The following PIWIL1 variants were observed in gnomAD, a reference collection of about 807,000 sequenced individuals.
The protein encoded by PIWIL1 is piwi-like protein 1.
In PIWIL1, 73 loss-of-function variants were observed where a neutral mutation model predicts 114.4. The observed-to-expected ratio is 0.64, with a 90% confidence interval of 0.53 to 0.78. The LOEUF (loss-of-function observed/expected upper bound fraction) is 0.78. Among genes scored for constraint, PIWIL1 ranks in the 30% least tolerant of loss-of-function variants. PIWIL1 has a pLI of 0.00. For missense variants in PIWIL1, 723 were observed against 1,063.1 expected (o/e 0.68, Z 4.45); for synonymous variants, 375 against 369.0 (o/e 1.02, Z -0.19).
At chr12:130,411,533 C>T in the PIWIL1 span, among the ~76,000 whole-genome samples, 1 of 143,420 alleles carries the variant, frequency 7.0e-6, no homozygotes, top group African/African-American at 2.5e-5. Context: ...CCTTGGCCAT[C>T]GACATTTAGA....
At chr12:130,422,980 G>C in the PIWIL1 span, among the ~76,000 whole-genome samples, 1 of 152,128 alleles carries the variant, frequency 6.6e-6, no homozygotes, top group African/African-American at 2.4e-5. This position sits in a 1 kb window ranked among gnomAD's most constrained non-coding sequence, Gnocchi z 5.2. Context: ...AGTTCCTCCT[G>C]TCCTGCTTGG....
intron 9 of PIWIL1, among the ~76,000 whole-genome samples, chr12:130,353,786 C>CA (rs200456081): frequency 0.014 from 2,104 of 151,860 alleles, 42 homozygotes; most frequent in African/African-American, 0.048. Context: ...ATTAGCCAGG[C>CA]ACGGTGGTGT....
the PIWIL1 span, among the ~76,000 whole-genome samples, chr12:130,410,923 C>T: frequency 5.0e-3 from 754 of 152,310 alleles, 8 homozygotes; most frequent in African/African-American, 0.017. Flanking sequence ...AATGGTCTTG[C>T]ACTGCATCTG....
the PIWIL1 span, among the ~76,000 whole-genome samples, chr12:130,409,545 C>T: frequency 2.0e-5 from 3 of 152,022 alleles, no homozygotes; most frequent in South Asian, 2.1e-4. Flanking sequence ...GGGGTTTCAC[C>T]GTGTTAGCCA....
chr12:130,346,934 G>A lies in PIWIL1; in HGVS notation c.532-7G>A. 6.2e-7 allele frequency: 1 copy of A among 1,610,450 alleles called. No individual in the cohort carries two copies. The highest frequency in any genetic ancestry group is 2.2e-5 in the East Asian group (1 of 44,834). On this transcript the variant is annotated splice_region_variant and splice_polypyrimidine_tract_variant and intron_variant, in intron 5 of 20. Coordinates refer to ENST00000245255, the MANE Select transcript of PIWIL1 (RefSeq NM_004764.5). Reference sequence around the variant, plus strand: ...AAAGTTTGGGTTTTCCACCTCTCTGGCTTCAGGTTACTGAAGTTTTTAGTA... The same window carrying A: ...AAAGTTTGGGTTTTCCACCTCTCTGACTTCAGGTTACTGAAGTTTTTAGTA...
At chr12:130,424,928 G>A in the PIWIL1 span, 13 of 961,692 alleles carry the variant, frequency 1.4e-5, no homozygotes, top group Non-Finnish European at 4.0e-6. This position sits in a 1 kb window ranked among gnomAD's most constrained non-coding sequence, Gnocchi z 9.8. Flanking sequence ...GGGGCCAGGG[G>A]AGGAAAGAAA....
intron 16 of PIWIL1, among the ~76,000 whole-genome samples, chr12:130,362,059 A>G (rs1384827899): frequency 1.3e-5 from 2 of 152,198 alleles, no homozygotes. Context: ...TTAGTAATGG[A>G]TATATTTCAA....
chr12:130,338,579 G>C (rs1233252682), intron 1 of PIWIL1, among the ~76,000 whole-genome samples: 1 of 20,300 alleles, frequency 4.9e-5, no homozygotes, highest in African/African-American at 1.8e-4. Flanking sequence ...GGAGATGCAG[G>C]AGCCGGGTGC....
intron 14 of PIWIL1, among the ~76,000 whole-genome samples, chr12:130,358,119 T>G (rs1249532769): frequency 6.6e-6 from 1 of 152,134 alleles, no homozygotes; most frequent in African/African-American, 2.4e-5. Context: ...CACCCACCCA[T>G]CCAGGTGAGT....
the PIWIL1 span, among the ~76,000 whole-genome samples, chr12:130,404,261 G>A: frequency 6.6e-6 from 1 of 152,070 alleles, no homozygotes; most frequent in African/African-American, 2.4e-5. Flanking sequence ...ATATGCTAGG[G>A]GGAAAAATCA....
chr12:130,394,098 C>T, the PIWIL1 span, among the ~76,000 whole-genome samples: 1 of 152,186 alleles, frequency 6.6e-6, no homozygotes, highest in African/African-American at 2.4e-5. Flanking sequence ...TCTCGGCACT[C>T]TCTCTGCATA....
chr12:130,361,029 A>C (rs1350583540), intron 14 of PIWIL1, 151 bp from the exon 15 acceptor site: 3 of 647,894 alleles, frequency 4.6e-6, no homozygotes, highest in Non-Finnish European at 8.1e-6. Flanking sequence ...TTAATGTCCT[A>C]CTGATTAGCT....
intron 1 of PIWIL1, among the ~76,000 whole-genome samples, chr12:130,339,076 C>A (rs898245145): frequency 1.3e-5 from 2 of 152,070 alleles, no homozygotes; most frequent in Non-Finnish European, 2.9e-5. Context: ...GCGAGGGCCC[C>A]TTCCCGCGTC....
the PIWIL1 span, chr12:130,407,961 G>T: frequency 1.3e-6 from 1 of 751,696 alleles, no homozygotes; most frequent in Non-Finnish European, 2.3e-6. Context: ...ACGTGCTCCT[G>T]GGCACTCACA....
At chr12:130,353,665 G>A (rs1357346986) in intron 9 of PIWIL1, among the ~76,000 whole-genome samples, 2 of 152,072 alleles carry the variant, frequency 1.3e-5, no homozygotes, top group Non-Finnish European at 2.9e-5. Flanking sequence ...CGTGACTCAC[G>A]CCTCTAATCC....
intron 1 of PIWIL1, among the ~76,000 whole-genome samples, chr12:130,338,945 G>C (rs951610131): frequency 2.6e-5 from 4 of 151,824 alleles, no homozygotes; most frequent in African/African-American, 9.7e-5. Flanking sequence ...GGGGGTGCGG[G>C]GGCGGAGGTC....
chr12:130,403,459 G>A, the PIWIL1 span, among the ~76,000 whole-genome samples: 1 of 152,254 alleles, frequency 6.6e-6, no homozygotes, highest in South Asian at 2.1e-4. Flanking sequence ...TAAATTCCAG[G>A]AAAGCCCATT....
chr12:130,368,749 A>C (rs1209626743), intron 19 of PIWIL1, among the ~76,000 whole-genome samples: 1 of 152,214 alleles, frequency 6.6e-6, no homozygotes, highest in East Asian at 1.9e-4. Context: ...ATTGGCCTGA[A>C]GACAGTAACT....
chr12:130,338,191 C>A, intron 1 of PIWIL1, 45 bp downstream of exon 1: 1 of 265,956 alleles, frequency 3.8e-6, no homozygotes, highest in Non-Finnish European at 7.0e-6. Context: ...GGCCGGGATG[C>A]GGGGGCGGCG....
Sources: allele counts gnomAD v4.1 joint callset (sites outside exome capture counted in the v4.1 genomes callset), GRCh38; gene constraint gnomAD v4.1.1; non-coding constraint Gnocchi (gnomAD v3.1); transcripts MANE v1.5; gene names NCBI Gene and HGNC (gene_info 2026-07-23, HGNC 2026-07-21).